Variants in FHOD3 observed in about 807,000 individuals in gnomAD.
The protein encoded by FHOD3 is formin homology 2 domain containing 3.
In FHOD3, 90 loss-of-function variants were observed where a neutral mutation model predicts 173.0. The ratio of observed to expected loss-of-function variants is 0.52; its 90% confidence interval spans 0.44 to 0.62. The LOEUF is 0.62. FHOD3 is among the 20% of genes least tolerant of loss of function. The pLI is 0.00. For missense variants in FHOD3, 1,945 were observed against 2,034.7 expected (o/e 0.96, Z 0.85); for synonymous variants, 828 against 823.0 (o/e 1.01, Z -0.10).
chr18:36,405,148 T>C (rs923990702), intron 3 of FHOD3, among the ~76,000 whole-genome samples: 8 of 152,214 alleles, frequency 5.3e-5, no homozygotes, highest in South Asian at 2.1e-4. Context: ...CCCCGTGAGG[T>C]AGAAAGAGAA....
chr18:36,431,315 C>T (rs959541598), intron 3 of FHOD3, among the ~76,000 whole-genome samples: 1 of 152,190 alleles, frequency 6.6e-6, no homozygotes, highest in African/African-American at 2.4e-5. Flanking sequence ...AGCCATATCT[C>T]AGGAAAGCCC....
At chr18:36,687,035 A>G in intron 15 of FHOD3, 93 bp from the exon 16 acceptor site, 1 of 924,818 alleles carries the variant, frequency 1.1e-6, no homozygotes, top group Non-Finnish European at 1.6e-6. Flanking sequence ...CCAGTCTTTC[A>G]TGATATACTG....
At chr18:36,433,690 T>G (rs1044959375) in intron 3 of FHOD3, among the ~76,000 whole-genome samples, 1 of 152,166 alleles carries the variant, frequency 6.6e-6, no homozygotes, top group Non-Finnish European at 1.5e-5. Flanking sequence ...TCTAAGCCAG[T>G]GATGAATAAG....
intron 1 of FHOD3, among the ~76,000 whole-genome samples, chr18:36,306,617 C>A (rs189248868): frequency 1.3e-5 from 2 of 152,308 alleles, no homozygotes; most frequent in East Asian, 3.9e-4. Flanking sequence ...GCCCTCTTGC[C>A]ATTCAGGGCA....
intron 10 of FHOD3, among the ~76,000 whole-genome samples, chr18:36,646,939 T>C (rs1484553618): frequency 6.6e-6 from 1 of 152,166 alleles, no homozygotes; most frequent in African/African-American, 2.4e-5. Context: ...GCAAATGATA[T>C]TAAAAACACT....
At chr18:36,762,337 T>C (rs914523447) in intron 27 of FHOD3, among the ~76,000 whole-genome samples, 8 of 152,188 alleles carry the variant, frequency 5.3e-5, no homozygotes, top group African/African-American at 1.9e-4. Flanking sequence ...ACCTGCAGGC[T>C]GTGCTCCAGA....
rs560416118 is a variant in FHOD3, at chr18:36,484,563, A to G, written c.338-17369A>G. ...AGAATATAAAAACAGGCCTCCTCAT[A>G]ATTTTCAGACTAGGAAAAAACAAAA... is the stretch of plus-strand genomic sequence containing the variant. On this transcript the variant is annotated intron_variant, in intron 3 of 28. Transcript: ENST00000590592. Among the ~76,000 whole-genome samples, 6 of 152,302 alleles carry G rather than the reference A, an allele frequency of 3.9e-5. No individual in the cohort carries two copies. In the South Asian group the frequency reaches 1.2e-3, roughly 32 times the overall value.
intron 25 of FHOD3, among the ~76,000 whole-genome samples, chr18:36,758,893 C>G (rs1405685205): frequency 6.6e-6 from 1 of 152,200 alleles, no homozygotes; most frequent in African/African-American, 2.4e-5. Context: ...GTGTGAGTCC[C>G]TCTGGTCATG....
At chr18:36,764,727 G>T (rs1410233103) in intron 27 of FHOD3, among the ~76,000 whole-genome samples, 1 of 152,208 alleles carries the variant, frequency 6.6e-6, no homozygotes, top group East Asian at 1.9e-4. Flanking sequence ...TAGAATGGGA[G>T]GCTGTTCAGT....
chr18:36,711,538 A>G (rs1037456412), intron 18 of FHOD3: 1 of 152,214 alleles, frequency 6.6e-6, no homozygotes, highest in Non-Finnish European at 1.5e-5. Flanking sequence ...ATGTCTGTCT[A>G]TTCATCGTGA....
At chr18:36,311,995 C>T (rs537859955) in intron 1 of FHOD3, among the ~76,000 whole-genome samples, 3 of 152,318 alleles carry the variant, frequency 2.0e-5, no homozygotes, top group South Asian at 2.1e-4. Context: ...CCTTCTTCCA[C>T]CCTTCAACCC....
At position 36,588,036 on chromosome 18, in the gene FHOD3, A is replaced by G. The variant is rs541082374; in HGVS notation, c.607-6751A>G. ...CTGTTCTGGTGGATGTGCCAACCAT[A>G]GTCTCCACACTCTCCCTTGAAGGAC... On this transcript the variant is annotated intron_variant, in intron 6 of 28. Transcript: ENST00000590592. Among the ~76,000 whole-genome samples, 5 of 152,352 alleles carry G rather than the reference A, an allele frequency of 3.3e-5. No individual in the cohort carries two copies. In the South Asian group the frequency reaches 6.2e-4, roughly 19 times the overall value.
intron 4 of FHOD3, among the ~76,000 whole-genome samples, chr18:36,503,535 C>T (rs529388862): frequency 3.3e-4 from 50 of 152,324 alleles, no homozygotes; most frequent in African/African-American, 1.0e-3. Flanking sequence ...TTTCTGCAGA[C>T]AAGTCCTCTT....
In FHOD3 at chr18:36,501,816, GA is replaced by G. The variant is rs1339271356; in HGVS notation, c.338-114del. 1.2e-4 allele frequency: 81 copies of G among 688,598 alleles called. 1 individual carries two copies. In the African/African-American group the frequency reaches 1.5e-3, roughly 12 times the overall value. The allele number at this position is 688,598 out of a possible 1,614,324, so 42.7% of individuals were successfully genotyped here. A position where few individuals can be genotyped will look rare whatever the true frequency, so the allele number is the denominator to read the frequency against. Reference sequence around the variant, plus strand: ...GTAAGGTCTGTATCCTGAATGAAATGAATAGGCTTTCATTACCTTTCCAGGG... The same window carrying G: ...GTAAGGTCTGTATCCTGAATGAAATGATAGGCTTTCATTACCTTTCCAGGG... On this transcript the variant is annotated intron_variant, in intron 3 of 28. Transcript: ENST00000590592.
At chr18:36,381,026 G>T (rs543184991) in intron 3 of FHOD3, among the ~76,000 whole-genome samples, 76 of 152,300 alleles carry the variant, frequency 5.0e-4, no homozygotes, top group African/African-American at 1.7e-3. Flanking sequence ...CAGGTTCTTT[G>T]CACTGGCCTG....
chr18:36,586,991 A>G (rs1280479643), intron 6 of FHOD3, among the ~76,000 whole-genome samples: 1 of 152,084 alleles, frequency 6.6e-6, no homozygotes. Context: ...CAAGCAGTAC[A>G]GGCTTTATTC....
At chr18:36,371,335 A>T (rs1568183707) in intron 2 of FHOD3, among the ~76,000 whole-genome samples, 1 of 152,216 alleles carries the variant, frequency 6.6e-6, no homozygotes, top group African/African-American at 2.4e-5. Flanking sequence ...AAGAAGTTTA[A>T]TGGACTCACA....
intron 5 of FHOD3, among the ~76,000 whole-genome samples, chr18:36,554,186 A>G (rs529328974): frequency 6.6e-6 from 1 of 152,280 alleles, no homozygotes; most frequent in East Asian, 1.9e-4. Flanking sequence ...ACACATGCAC[A>G]TGTATGTTTA....
At position 36,501,937 on chromosome 18, in the gene FHOD3, C is replaced by G; in HGVS notation, c.343C>G (p.Leu115Val). Residue 115 changes from leucine to valine, a missense_variant, in exon 4 of 29, where the codon CTA becomes GTA. Leu to Val is a conservative substitution (Grantham distance 32). This residue lies in a region of FHOD3 where 245 missense variants were observed against 267.7 expected (regional missense o/e 0.92). Coordinates refer to ENST00000590592, the MANE Select transcript of FHOD3 (RefSeq NM_001281740.3). ...SVRVHACIEK[L>V]YNSSGRDLRR... ...TGTTTTATTCTTTATTTCAGAAAAA[C>G]TATACAACTCCAGCGGACGAGATTT... The G allele has an allele frequency of 6.3e-7, 1 of 1,599,144 alleles. No homozygotes were observed. Among genetic ancestry groups the G allele is most frequent in the Non-Finnish European group, 8.5e-7 (1 of 1,171,236 alleles).
Sources: allele counts gnomAD v4.1 joint callset (sites outside exome capture counted in the v4.1 genomes callset), GRCh38; gene constraint gnomAD v4.1.1; regional missense constraint gnomAD v4.1.1; transcripts MANE v1.5; gene names NCBI Gene and HGNC (gene_info 2026-07-23, HGNC 2026-07-21).